Variants in SPATA13 observed in about 807,000 individuals in gnomAD.
SPATA13 encodes the protein spermatogenesis-associated protein 13.
In SPATA13, 50 loss-of-function variants were observed where a neutral mutation model predicts 104.0. That is an observed-to-expected ratio of 0.48 (90% CI 0.38 to 0.61). The LOEUF is 0.61. Ranked by LOEUF, SPATA13 falls within the 20% of genes least tolerant of loss-of-function variation. The pLI is 0.00. For missense variants in SPATA13, 1,524 were observed against 1,690.6 expected, an observed-to-expected ratio of 0.90 and a Z score of 1.73; for synonymous variants, 606 against 667.5, an observed-to-expected ratio of 0.91 and a Z score of 1.42.
At position 24,280,662 on chromosome 13, in the gene SPATA13, C is replaced by T. The variant is rs549375186; in HGVS notation, c.2165-3473C>T. On this transcript the variant is annotated intron_variant, in intron 4 of 12. Transcript: ENST00000382108. ...CTCACCCAGGAGCATCAGGATATCT[C>T]GGCCAGTAAGCAGCACAGTTCTTGG... 1.2e-4 allele frequency among the ~76,000 whole-genome samples: 18 copies of T among 152,264 alleles called. No individual in the cohort carries two copies. The South Asian group carries it at 1.4e-3, about 12-fold the overall frequency.
At chr13:23,982,939 G>A (rs928560671) in intron 1 of SPATA13, among the ~76,000 whole-genome samples, 2 of 152,212 alleles carry the variant, frequency 1.3e-5, no homozygotes, top group Non-Finnish European at 2.9e-5. Flanking sequence ...AGGCTGCTCT[G>A]CCGTCTGGGA....
upstream of SPATA13, among the ~76,000 whole-genome samples, chr13:24,160,507 G>A (rs1195959749): frequency 1.3e-5 from 2 of 152,182 alleles, no homozygotes; most frequent in African/African-American, 4.8e-5. Flanking sequence ...GCCTCCAAAA[G>A]TGCTAGGATT....
At chr13:24,111,597 G>A (rs2137813423) in intron 3 of SPATA13, among the ~76,000 whole-genome samples, 1 of 152,262 alleles carries the variant, frequency 6.6e-6, no homozygotes, top group African/African-American at 2.4e-5. Flanking sequence ...GTAGAGATGG[G>A]TTTTCACCGT....
At chr13:24,119,284 T>C (rs1027380097) in intron 3 of SPATA13, among the ~76,000 whole-genome samples, 3 of 151,946 alleles carry the variant, frequency 2.0e-5, no homozygotes, top group Non-Finnish European at 2.9e-5. Flanking sequence ...CAGAATAACA[T>C]GGCCAGTTTG....
At chr13:24,259,822 T>C (rs1476834610) in intron 4 of SPATA13, among the ~76,000 whole-genome samples, 2 of 152,164 alleles carry the variant, frequency 1.3e-5, no homozygotes, top group African/African-American at 4.8e-5. Context: ...ATTATTATTT[T>C]AGATTTTCTT....
chr13:24,255,357 G>A (rs1363141686), intron 4 of SPATA13, among the ~76,000 whole-genome samples: 2 of 152,104 alleles, frequency 1.3e-5, no homozygotes, highest in Admixed American at 1.3e-4. Flanking sequence ...TGTCATGGTG[G>A]CTCAGGTCGG....
At position 24,306,642 on chromosome 13, in the gene SPATA13, A is replaced by G. The variant is rs1877593881; in HGVS notation, c.*3869A>G. 6.6e-6 allele frequency: 1 copy of G among 152,244 alleles called. No homozygotes were observed. The highest frequency in any genetic ancestry group is 2.1e-4 in the South Asian group (1 of 4,834). 9.4% of individuals were successfully genotyped at this position (152,244 alleles called of 1,614,324 possible). The stretch of plus-strand genomic sequence containing the variant: ...GAACATGACTGATCTTGAAAAAAAA[A>G]GCAAAAGCTTAAATATTTGATACAA... On this transcript the variant is annotated 3_prime_UTR_variant, in exon 13 of 13. Transcript: ENST00000382108.
rs1873385043 is a variant in SPATA13 at position 24,249,847 on chromosome 13, GA to G, written c.2019+6del. Reference sequence around the variant, plus strand: ...CTGGACAATCTTCTGACCCAAGTAAGATCTGGTGTGCACTTCCCCAAGCCAG... The same window carrying G: ...CTGGACAATCTTCTGACCCAAGTAAGTCTGGTGTGCACTTCCCCAAGCCAG... On this transcript the variant is annotated splice_donor_region_variant and intron_variant, in intron 3 of 12. Coordinates refer to ENST00000382108, the MANE Select transcript of SPATA13 (RefSeq NM_001166271.3). 6.3e-7 allele frequency: 1 copy of G among 1,588,616 alleles called. No homozygotes were observed. Among genetic ancestry groups the G allele is most frequent in the South Asian group, 1.1e-5 (1 of 87,880 alleles).
At chr13:24,046,666 C>T (rs576419793) in intron 3 of SPATA13, among the ~76,000 whole-genome samples, 115 of 151,488 alleles carry the variant, frequency 7.6e-4, no homozygotes, top group Non-Finnish European at 1.4e-3. Flanking sequence ...TGTATAATAC[C>T]GAAATTTATT....
intron 1 of SPATA13, among the ~76,000 whole-genome samples, chr13:24,206,638 T>G (rs1870710736): frequency 6.6e-6 from 1 of 152,258 alleles, no homozygotes; most frequent in Admixed American, 6.5e-5. Flanking sequence ...ATGCCTGTAA[T>G]CCTAGCACTT....
intron 4 of SPATA13, among the ~76,000 whole-genome samples, chr13:24,253,806 GC>G (rs1028970209): frequency 2.0e-5 from 3 of 152,090 alleles, no homozygotes; most frequent in African/African-American, 7.2e-5. Context: ...CCAAAGACAG[GC>G]AGGAAACATG....
chr13:24,113,104 C>T (rs535678268), intron 3 of SPATA13, among the ~76,000 whole-genome samples: 6 of 152,308 alleles, frequency 3.9e-5, no homozygotes, highest in African/African-American at 1.4e-4. Flanking sequence ...CCTAAAGTTT[C>T]CTGAAATGCT....
At chr13:24,112,155 T>G (rs897867220) in intron 3 of SPATA13, among the ~76,000 whole-genome samples, 2 of 152,380 alleles carry the variant, frequency 1.3e-5, no homozygotes, top group East Asian at 3.9e-4. Flanking sequence ...TCCTTTCCTT[T>G]CTGCACTTCT....
chr13:24,234,452 A>G (rs1363905463), intron 2 of SPATA13, among the ~76,000 whole-genome samples: 5 of 152,116 alleles, frequency 3.3e-5, no homozygotes, highest in Non-Finnish European at 7.4e-5. Flanking sequence ...GAACTTCTCT[A>G]TAACAATTAA....
chr13:24,252,613 C>T (rs747645627), intron 4 of SPATA13: 3 of 152,208 alleles, frequency 2.0e-5, no homozygotes, highest in Non-Finnish European at 4.4e-5. Flanking sequence ...GAGCACTTCT[C>T]CTCCCACCCC....
At chr13:24,254,125 T>C (rs1009601671) in intron 4 of SPATA13, among the ~76,000 whole-genome samples, 2 of 152,152 alleles carry the variant, frequency 1.3e-5, no homozygotes, top group African/African-American at 4.8e-5. Flanking sequence ...CATCCCCATT[T>C]TCCGTGGGTG....
intron 3 of SPATA13, among the ~76,000 whole-genome samples, chr13:24,111,521 C>T (rs367889412): frequency 6.6e-6 from 1 of 151,978 alleles, no homozygotes; most frequent in Non-Finnish European, 1.5e-5. Flanking sequence ...AATCCTCCCA[C>T]CTCAGCCTCC....
At chr13:24,271,033 T>TCA (rs1555274386) in intron 4 of SPATA13, 20 of 691,182 alleles carry the variant, frequency 2.9e-5, no homozygotes, top group Non-Finnish European at 4.8e-5. Context: ...TCTCTCTCTC[T>TCA]CTCTCTCACT....
At chr13:24,236,566 A>G (rs1388503634) in intron 2 of SPATA13, among the ~76,000 whole-genome samples, 2 of 149,222 alleles carry the variant, frequency 1.3e-5, no homozygotes, top group Non-Finnish European at 3.0e-5. Context: ...ACTGCACTCC[A>G]GCCTGGGTGA....
Sources: allele counts gnomAD v4.1 joint callset (sites outside exome capture counted in the v4.1 genomes callset), GRCh38; gene constraint gnomAD v4.1.1; transcripts MANE v1.5; gene names NCBI Gene and HGNC (gene_info 2026-07-23, HGNC 2026-07-21).